The following FBXO36 variants were observed in gnomAD, a reference collection of about 807,000 sequenced individuals.
FBXO36 encodes the protein F-box only protein 36.
A neutral mutation model predicts 17.0 loss-of-function variants in FBXO36; 18 were observed. The observed-to-expected ratio is 1.06, with a 90% confidence interval of 0.73 to 1.57. FBXO36 has a LOEUF of 1.57. Among genes scored for constraint, FBXO36 ranks in the 40% most tolerant of loss-of-function variants. FBXO36 has a pLI of 0.00. For missense variants in FBXO36, 229 were observed against 221.9 expected (o/e 1.03, Z -0.20); for synonymous variants, 83 against 85.3 (o/e 0.97, Z 0.15).
intron 1 of FBXO36, among the ~76,000 whole-genome samples, chr2:229,939,966 C>G (rs2076989475): frequency 6.6e-6 from 1 of 152,006 alleles, no homozygotes. Context: ...GCCCGTAGTC[C>G]CAGCTACTTG....
intron 1 of FBXO36, 124 bp from the exon 2 acceptor site, chr2:229,976,117 A>C: frequency 3.2e-6 from 2 of 615,550 alleles, no homozygotes; most frequent in South Asian, 4.8e-5. Flanking sequence ...ATGTGATGCC[A>C]GACTGCAAAG....
chr2:229,949,410 C>A (rs1174093217), intron 1 of FBXO36, among the ~76,000 whole-genome samples: 1 of 152,076 alleles, frequency 6.6e-6, no homozygotes, highest in Admixed American at 6.6e-5. Context: ...TAAAAAGGAA[C>A]ACTGTGAAGC....
chr2:229,981,241 C>A (rs2077237915), intron 2 of FBXO36, among the ~76,000 whole-genome samples: 1 of 152,184 alleles, frequency 6.6e-6, no homozygotes, highest in South Asian at 2.1e-4. Context: ...GTAATCCCAA[C>A]TACTTGGGAG....
intron 1 of FBXO36, chr2:229,937,767 C>A (rs574139336): frequency 6.6e-6 from 1 of 152,218 alleles, no homozygotes; most frequent in Admixed American, 6.5e-5. Flanking sequence ...ACATGGGTTT[C>A]TCTCTCTTTT....
intron 3 of FBXO36, among the ~76,000 whole-genome samples, chr2:230,005,752 C>T (rs1414894297): frequency 6.6e-6 from 1 of 152,152 alleles, no homozygotes. Context: ...ATTGCAGCCT[C>T]CGCCTCCCAG....
intron 2 of FBXO36, among the ~76,000 whole-genome samples, chr2:229,984,831 C>T (rs900425911): frequency 6.6e-6 from 1 of 152,126 alleles, no homozygotes; most frequent in Admixed American, 6.6e-5. Flanking sequence ...TGGGCATTTT[C>T]GGATGGTTTC....
intron 3 of FBXO36, among the ~76,000 whole-genome samples, chr2:230,004,157 C>G: frequency 6.6e-6 from 1 of 152,316 alleles, no homozygotes; most frequent in East Asian, 1.9e-4. Flanking sequence ...ACACTGCTCT[C>G]TTTTCCAGGA....
chr2:229,932,744 TTTTTCTTTTC>T (rs201158791), intron 1 of FBXO36: 11 of 159,848 alleles, frequency 6.9e-5, no homozygotes, highest in Non-Finnish European at 5.5e-5. Flanking sequence ...GAGTTTTGTT[TTTTTCTTTTC>T]TTTTCTTTTC....
At chr2:229,951,305 G>A (rs553001621) in intron 1 of FBXO36, among the ~76,000 whole-genome samples, 101 of 149,408 alleles carry the variant, frequency 6.8e-4, no homozygotes, top group Admixed American at 2.2e-3. Flanking sequence ...TTTCAGTGGC[G>A]TGATCTCGGC....
chr2:229,950,295 A>T (rs2077050710), intron 1 of FBXO36, among the ~76,000 whole-genome samples: 1 of 151,898 alleles, frequency 6.6e-6, no homozygotes. Context: ...GCATGGTGGC[A>T]CGTGCCTGTA....
intron 1 of FBXO36, among the ~76,000 whole-genome samples, chr2:229,951,988 G>C (rs759438943): frequency 2.0e-5 from 3 of 151,760 alleles, no homozygotes. Flanking sequence ...CTATAACTTG[G>C]TGAAAAAAAA....
intron 2 of FBXO36, among the ~76,000 whole-genome samples, chr2:229,988,467 G>C (rs1160226542): frequency 1.3e-5 from 2 of 152,078 alleles, no homozygotes; most frequent in Non-Finnish European, 1.5e-5. Flanking sequence ...CTTTTCACCA[G>C]TATATCCAGG....
chr2:229,998,089 A>G (rs2077336916), intron 3 of FBXO36, among the ~76,000 whole-genome samples: 1 of 152,212 alleles, frequency 6.6e-6, no homozygotes, highest in Admixed American at 6.5e-5. Context: ...AGAACATACA[A>G]CATTTTCCAA....
In FBXO36 at chr2:229,982,453, T is replaced by A. The variant is rs114851982; in HGVS notation, c.205+6104T>A. On this transcript the variant is annotated intron_variant, in intron 2 of 3. Coordinates refer to ENST00000283946, the MANE Select transcript of FBXO36 (RefSeq NM_174899.5). Reference sequence around the variant, plus strand: ...CTCTCCTGCCTTCGTCTTTCCCTTATAAGGAACTTTGTGATGACATTAGGC... The same window carrying A: ...CTCTCCTGCCTTCGTCTTTCCCTTAAAAGGAACTTTGTGATGACATTAGGC... Among the ~76,000 whole-genome samples, 371 of 152,252 alleles carry A rather than the reference T, an allele frequency of 2.4e-3. 1 individual carries two copies. The highest frequency in any genetic ancestry group is 4.2e-3 in the Non-Finnish European group (283 of 68,022).
intron 1 of FBXO36, among the ~76,000 whole-genome samples, chr2:229,960,964 C>T (rs895091229): frequency 6.6e-6 from 1 of 152,034 alleles, no homozygotes. Context: ...CAAAAATTAG[C>T]TGGGTGTGGT....
chr2:229,972,880 G>A (rs1264526690), intron 1 of FBXO36, among the ~76,000 whole-genome samples: 1 of 151,788 alleles, frequency 6.6e-6, no homozygotes, highest in Non-Finnish European at 1.5e-5. Context: ...TGGCCAACAT[G>A]GTGAAACCCT....
chr2:229,981,398 A>G (rs536953287), intron 2 of FBXO36, among the ~76,000 whole-genome samples: 1 of 151,238 alleles, frequency 6.6e-6, no homozygotes, highest in South Asian at 2.1e-4. Flanking sequence ...TTTTTTTTTG[A>G]GACAGGATCT....
intron 1 of FBXO36, among the ~76,000 whole-genome samples, chr2:229,924,913 C>T (rs1051225367): frequency 6.6e-6 from 1 of 151,978 alleles, no homozygotes; most frequent in African/African-American, 2.4e-5. Context: ...GGATTACAGG[C>T]GCCCGCCACC....
At chr2:229,971,358 AG>A (rs1311802969) in intron 1 of FBXO36, among the ~76,000 whole-genome samples, 4 of 150,714 alleles carry the variant, frequency 2.7e-5, no homozygotes, top group Admixed American at 6.6e-5. Flanking sequence ...CCATCTCAAA[AG>A]AAAAAAAAAA....
Sources: allele counts gnomAD v4.1 joint callset (sites outside exome capture counted in the v4.1 genomes callset), GRCh38; gene constraint gnomAD v4.1.1; transcripts MANE v1.5; gene names NCBI Gene and HGNC (gene_info 2026-07-23, HGNC 2026-07-21).